LRP2: variants seen among roughly 807,000 people sequenced by gnomAD.
The protein encoded by LRP2 is low-density lipoprotein receptor-related protein 2.
Under a neutral mutation model 531.0 loss-of-function variants are expected in LRP2, and 172 were observed. That is an observed-to-expected ratio of 0.32 (90% confidence interval 0.29 to 0.37). The LOEUF (loss-of-function observed/expected upper bound fraction) is 0.37, where lower values mean the gene tolerates loss of function less well. LRP2 is among the 10% of genes least tolerant of loss of function. The pLI is 1.00. For missense variants in LRP2, 5,167 were observed against 5,868.3 expected, an observed-to-expected ratio of 0.88 and a Z score of 3.90; for synonymous variants, 1,992 against 2,027.6, an observed-to-expected ratio of 0.98 and a Z score of 0.47.
At chr2:169,257,033 T>C in intron 18 of LRP2, 91 bp downstream of exon 18, 9 of 1,482,806 alleles carry the variant, frequency 6.1e-6, no homozygotes, top group Non-Finnish European at 8.5e-6. Flanking sequence ...GCAGTACCAG[T>C]TTCCTTACAC....
chr2:169,347,616 T>C (rs1311299786), intron 1 of LRP2, among the ~76,000 whole-genome samples: 5 of 149,206 alleles, frequency 3.4e-5, no homozygotes. Flanking sequence ...TCCCAGATAA[T>C]GAAATAGTAA....
intron 1 of LRP2, among the ~76,000 whole-genome samples, chr2:169,328,117 T>C (rs1185498990): frequency 1.6e-5 from 2 of 128,964 alleles, no homozygotes; most frequent in African/African-American, 6.1e-5. Context: ...GAGGGGCGCC[T>C]CTGCCCAGCC....
In LRP2 at chr2:169,176,467, G is replaced by C. The variant is rs1558996967; in HGVS notation, c.10515C>G (p.Ser3505Arg). The C allele has an allele frequency of 6.2e-7, 1 of 1,614,178 alleles. No individual in the cohort carries two copies. The highest frequency in any genetic ancestry group is 8.5e-7 in the Non-Finnish European group (1 of 1,180,022). The change falls in exon 54 of 79, where the codon AGC becomes AGG. Residue 3505 changes from serine (S) to arginine (R), a missense_variant. Transcript: ENST00000649046. ...TGGAGCACATGGGCATGCAGTAGGT[G>C]CTGCCACTCAGCTGAAGGGTGCGGA... ...DDFRTLQLSG[S>R]TYCMPMCSST...
chr2:169,229,187 G>T (rs1373905592), intron 31 of LRP2, among the ~76,000 whole-genome samples: 1 of 152,132 alleles, frequency 6.6e-6, no homozygotes, highest in Admixed American at 6.5e-5. Flanking sequence ...GGATGGAAAG[G>T]AATTCAGGAG....
At chr2:169,350,995 C>A (rs1209260826) in intron 1 of LRP2, among the ~76,000 whole-genome samples, 1 of 152,016 alleles carries the variant, frequency 6.6e-6, no homozygotes, top group East Asian at 1.9e-4. Flanking sequence ...GGCAGTGTAG[C>A]TAGAGATGAA....
intron 6 of LRP2, among the ~76,000 whole-genome samples, 191 bp downstream of exon 6, chr2:169,293,957 G>A (rs1461241710): frequency 2.6e-5 from 4 of 151,994 alleles, no homozygotes; most frequent in Non-Finnish European, 4.4e-5. Context: ...AGCCCAGGTC[G>A]AGCAACACCA....
intron 1 of LRP2, among the ~76,000 whole-genome samples, chr2:169,357,489 G>A (rs954841857): frequency 1.3e-4 from 20 of 151,796 alleles, no homozygotes; most frequent in Non-Finnish European, 2.9e-4. Flanking sequence ...GCGTCACCAC[G>A]CCCAGCTAAT....
chr2:169,214,118 G>A (rs1389187338), intron 35 of LRP2, among the ~76,000 whole-genome samples: 2 of 152,038 alleles, frequency 1.3e-5, no homozygotes, highest in East Asian at 1.9e-4. Context: ...ACCTTTTCAG[G>A]TGGCACGGTG....
chr2:169,355,288 G>A (rs1685958906), intron 1 of LRP2, among the ~76,000 whole-genome samples: 1 of 152,176 alleles, frequency 6.6e-6, no homozygotes, highest in Admixed American at 6.5e-5. Context: ...CCCCAGGGCT[G>A]CCAGCTCTTG....
chr2:169,246,597 T>C (rs1690014012), intron 21 of LRP2, 108 bp downstream of exon 21: 2 of 1,328,414 alleles, frequency 1.5e-6, no homozygotes, highest in Non-Finnish European at 1.1e-6. Context: ...TCTGAAATTC[T>C]AAAAGATATT....
chr2:169,241,193 G>T lies in LRP2; in HGVS notation c.3840C>A (p.Asn1280Lys). Residue 1280 changes from asparagine to lysine, a missense_variant, in exon 25 of 79, where the codon AAC becomes AAA. By Grantham distance (94) the Asn-to-Lys change is moderately conservative. Coordinates refer to ENST00000649046, the MANE Select transcript of LRP2 (RefSeq NM_004525.3). ...GCCATGCCCTGTGGATGCAGTTTCC[G>T]TTGTCACAGTGGAAATATGATGAAG... The part of the protein sequence containing the change: ...TCPSSYFHCD[N>K]GNCIHRAWLC... The T allele has an allele frequency of 6.2e-7, 1 of 1,614,142 alleles. No homozygotes were observed. The highest frequency in any genetic ancestry group is 1.3e-5 in the African/African-American group (1 of 75,010).
rs763695662 is a variant in LRP2, at chr2:169,209,583, A to G, written c.6339T>C (p.Asp2113=). 5 of 1,614,044 alleles carry G rather than the reference A, an allele frequency of 3.1e-6. No individual in the cohort carries two copies. In the East Asian group the frequency reaches 8.9e-5, roughly 29 times the overall value. The change falls in exon 38 of 79, where the codon GAT becomes GAC. Residue 2113 remains aspartate (D), a synonymous_variant. Coordinates refer to ENST00000649046, the MANE Select transcript of LRP2 (RefSeq NM_004525.3). ...TATCAGATGCCACTGAGCTGCTAAA[A>G]TCACACCAATAAATAAAGCCAGAGG... ...DVSSGFIYWC[D]FSSSVASDNA...
At position 169,146,887 on chromosome 2, in the gene LRP2, G is replaced by A. The variant is rs1207317454; in HGVS notation, c.12663C>T (p.Asn4221=). ...AACCAAGGTCCTCGAAAACCAGGAT[G>A]TTGCGGTCCTCTCCATTCATCCAGG... The part of the protein sequence containing the change: ...ESAWMNGEDR[N]ILVFEDLGWP... The change falls in exon 69 of 79, where the codon AAC becomes AAT. Residue 4221 remains asparagine (N), a synonymous_variant. Transcript: ENST00000649046. 1 of 1,614,150 alleles carries A rather than the reference G, an allele frequency of 6.2e-7. No individual in the cohort carries two copies. Among genetic ancestry groups the A allele is most frequent in the Non-Finnish European group, 8.5e-7 (1 of 1,180,028 alleles).
At chr2:169,319,482 GTTGTTA>G (rs1361319683) in intron 2 of LRP2, among the ~76,000 whole-genome samples, 2 of 152,122 alleles carry the variant, frequency 1.3e-5, no homozygotes, top group Non-Finnish European at 2.9e-5. Context: ...CATTGATATT[GTTGTTA>G]TTGTTATTAT....
chr2:169,237,112 G>A lies in LRP2; in HGVS notation c.4682C>T (p.Pro1561Leu), dbSNP rs780636146. The change falls in exon 28 of 79, where the codon CCC becomes CTC. Residue 1561 changes from proline (P) to leucine (L), a missense_variant. Pro to Leu is a moderately conservative substitution (Grantham distance 98, BLOSUM62 -3). Around this residue, in one of 6 missense-constraint regions of LRP2, gnomAD observed 2,811 missense variants for 3,058.0 expected, o/e 0.92. Coordinates refer to ENST00000649046, the MANE Select transcript of LRP2 (RefSeq NM_004525.3). ...TAAAAAAAAGTCTTACTTCATTCTG[G>A]GATCTAATGCTAGTCCTCTTGGATT... The part of the protein sequence containing the change: ...LTNPRGLALD[P>L]RMNEHLLFWS... 1.2e-6 allele frequency: 2 copies of A among 1,613,502 alleles called. No homozygotes were observed. The highest frequency in any genetic ancestry group is 1.7e-6 in the Non-Finnish European group (2 of 1,179,612).
At chr2:169,309,052 C>A (rs1684512105) in intron 3 of LRP2, among the ~76,000 whole-genome samples, 1 of 152,052 alleles carries the variant, frequency 6.6e-6, no homozygotes, top group Admixed American at 6.6e-5. Flanking sequence ...TGTCCTTTGC[C>A]CACTTTTTGA....
chr2:169,248,592 C>T (rs950677935), intron 19 of LRP2, among the ~76,000 whole-genome samples: 1 of 152,174 alleles, frequency 6.6e-6, no homozygotes, highest in African/African-American at 2.4e-5. Flanking sequence ...AAGAACTTTC[C>T]AAAAGAAATT....
At chr2:169,241,393 C>T (rs887109558) in intron 24 of LRP2, 28 bp from the exon 25 acceptor site, 52 of 1,612,766 alleles carry the variant, frequency 3.2e-5, no homozygotes, top group Non-Finnish European at 4.1e-5. Flanking sequence ...GGTAAATCGG[C>T]TTGTGAATGT....
intron 1 of LRP2, among the ~76,000 whole-genome samples, chr2:169,331,929 G>C (rs897975446): frequency 1.3e-5 from 2 of 152,196 alleles, no homozygotes; most frequent in African/African-American, 4.8e-5. Flanking sequence ...TAAATGACAA[G>C]AGAGACTTTA....
Sources: gnomAD v4.1 joint callset for allele counts (sites outside exome capture counted in the v4.1 genomes callset) on GRCh38, gnomAD v4.1.1 for gene constraint, gnomAD v4.1.1 regional missense constraint, MANE v1.5 for transcripts, NCBI Gene and HGNC (gene_info 2026-07-23, HGNC 2026-07-21) for gene names.